Variants in FBXL17 observed in about 807,000 individuals in gnomAD.
FBXL17 encodes F-box/LRR-repeat protein 17.
Under a neutral mutation model 66.2 loss-of-function variants are expected in FBXL17, and 22 were observed. That is an observed-to-expected ratio of 0.33 (90% confidence interval 0.24 to 0.47). The LOEUF is 0.47. FBXL17 is among the 20% of genes least tolerant of loss of function. The probability of loss-of-function intolerance (pLI) is 1.00; values close to 1 mark genes in which losing one functional copy is unlikely to be tolerated. For missense variants in FBXL17, 878 were observed against 948.2 expected, an observed-to-expected ratio of 0.93 and a Z score of 0.97; for synonymous variants, 474 against 400.5, an observed-to-expected ratio of 1.18 and a Z score of -2.19.
At chr5:108,332,351 G>T (rs1036411200) in intron 4 of FBXL17, among the ~76,000 whole-genome samples, 1 of 151,932 alleles carries the variant, frequency 6.6e-6, no homozygotes, top group Non-Finnish European at 1.5e-5. Context: ...TGTTGCCAAG[G>T]TCCGTTTTGA....
intron 4 of FBXL17, among the ~76,000 whole-genome samples, chr5:108,249,868 A>G (rs1317687839): frequency 2.0e-5 from 3 of 152,192 alleles, no homozygotes; most frequent in Non-Finnish European, 2.9e-5. Context: ...ACATTAGGAC[A>G]GAGAAAGAAC....
intron 4 of FBXL17, among the ~76,000 whole-genome samples, chr5:108,335,093 T>C (rs1424893057): frequency 1.3e-5 from 2 of 152,196 alleles, no homozygotes; most frequent in Non-Finnish European, 2.9e-5. Context: ...AAGGCATTGA[T>C]AGTACTAGTT....
At chr5:108,205,856 C>A (rs1754093953) in intron 5 of FBXL17, among the ~76,000 whole-genome samples, 1 of 152,058 alleles carries the variant, frequency 6.6e-6, no homozygotes, top group South Asian at 2.1e-4. Flanking sequence ...TGTGCCTCAG[C>A]CTTCCGAGTA....
In FBXL17 at chr5:107,885,458, A is replaced by G. The variant is rs1253493704; in HGVS notation, c.1823-4279T>C. Among the ~76,000 whole-genome samples the G allele has an allele frequency of 2.0e-5, 3 of 152,216 alleles. No homozygotes were observed. The South Asian group carries it at 6.2e-4, about 32-fold the overall frequency. ...GTACAAAATTACTTCCGTATATACA[A>G]GTTTATTTATTGGAGCACTGATTGT... is the stretch of plus-strand genomic sequence containing the variant. On this transcript the variant is annotated intron_variant, in intron 7 of 8. Transcript: ENST00000542267.
At chr5:108,321,130 C>T (rs1476938866) in intron 4 of FBXL17, among the ~76,000 whole-genome samples, 2 of 149,742 alleles carry the variant, frequency 1.3e-5, no homozygotes, top group African/African-American at 5.1e-5. Context: ...TGCTGATGCT[C>T]GTAAGAAATT....
chr5:108,036,274 A>G (rs1465667662), intron 6 of FBXL17, among the ~76,000 whole-genome samples: 1 of 152,194 alleles, frequency 6.6e-6, no homozygotes, highest in Non-Finnish European at 1.5e-5. Flanking sequence ...TTTATTACAA[A>G]GATGGTTTCT....
At chr5:108,032,027 G>A (rs1425130841) in intron 6 of FBXL17, among the ~76,000 whole-genome samples, 1 of 152,114 alleles carries the variant, frequency 6.6e-6, no homozygotes, top group Non-Finnish European at 1.5e-5. Flanking sequence ...CATCTACTTT[G>A]TCATTAATTA....
intron 6 of FBXL17, among the ~76,000 whole-genome samples, chr5:108,175,583 C>T (rs1288292782): frequency 6.6e-6 from 1 of 152,132 alleles, no homozygotes; most frequent in African/African-American, 2.4e-5. Context: ...GAATGATATA[C>T]ATAAAACCTT....
Position 107,884,535 on chromosome 5 carries a change from T to G in FBXL17, c.1823-3356A>C, listed in dbSNP as rs142789084. ...CAGGTAGCCAAGTATGTACCCTATG[T>G]CCAAGAGGCCTGAGGGAACCTTTTG... On this transcript the variant is annotated intron_variant, in intron 7 of 8. Coordinates refer to ENST00000542267, the MANE Select transcript of FBXL17 (RefSeq NM_001163315.3). 1.7e-3 allele frequency among the ~76,000 whole-genome samples: 259 copies of G among 152,322 alleles called. 3 individuals are homozygous for G. Among genetic ancestry groups the G allele is most frequent in the African/African-American group, 5.8e-3 (241 of 41,584 alleles).
intron 7 of FBXL17, among the ~76,000 whole-genome samples, chr5:108,004,850 A>T (rs552260471): frequency 4.0e-4 from 61 of 152,354 alleles, no homozygotes; most frequent in African/African-American, 1.4e-3. Context: ...AGCGTATTAT[A>T]TAATACATTC....
In FBXL17 at chr5:108,381,988, C is replaced by T; in HGVS notation, c.-297G>A. ...GAGCCTGCCGGCTAGGCGACCAGTCCGGGCCCGGCCAGCCGGCTCAGTCAG... is the reference window on the plus strand; with the variant it reads ...GAGCCTGCCGGCTAGGCGACCAGTCTGGGCCCGGCCAGCCGGCTCAGTCAG... On this transcript the variant is annotated 5_prime_UTR_variant, in exon 1 of 9. Coordinates refer to ENST00000542267, the MANE Select transcript of FBXL17 (RefSeq NM_001163315.3). 2 of 1,180,144 alleles carry T rather than the reference C, an allele frequency of 1.7e-6. No individual in the cohort carries two copies. The highest frequency in any genetic ancestry group is 2.1e-6 in the Non-Finnish European group (2 of 952,864). 73.1% of individuals were successfully genotyped at this position (1,180,144 alleles called of 1,614,324 possible).
chr5:108,217,906 T>C (rs1185145934), intron 5 of FBXL17, among the ~76,000 whole-genome samples: 1 of 152,180 alleles, frequency 6.6e-6, no homozygotes, highest in East Asian at 1.9e-4. Flanking sequence ...TTACTTAACA[T>C]AATCTCCCTC....
intron 7 of FBXL17, among the ~76,000 whole-genome samples, chr5:107,972,555 T>C: frequency 6.6e-6 from 1 of 152,210 alleles, no homozygotes. Context: ...AGCTTCCCCT[T>C]ACTACTTTAA....
intron 6 of FBXL17, among the ~76,000 whole-genome samples, chr5:108,047,044 G>T (rs1747277977): frequency 6.6e-6 from 1 of 152,168 alleles, no homozygotes; most frequent in Non-Finnish European, 1.5e-5. Flanking sequence ...CCAACTACAA[G>T]CAGGGGCAAT....
intron 6 of FBXL17, among the ~76,000 whole-genome samples, chr5:108,178,213 T>G (rs1752869449): frequency 6.6e-6 from 1 of 151,906 alleles, no homozygotes; most frequent in South Asian, 2.1e-4. Context: ...CCCGGCTATT[T>G]TTTAAAAATT....
intron 6 of FBXL17, among the ~76,000 whole-genome samples, chr5:108,075,848 C>A (rs1293801679): frequency 1.3e-5 from 2 of 152,118 alleles, no homozygotes. Context: ...GTTATCATGT[C>A]ATTATTTGTG....
intron 7 of FBXL17, among the ~76,000 whole-genome samples, chr5:108,007,360 C>T (rs781302992): frequency 9.9e-5 from 15 of 152,120 alleles, no homozygotes; most frequent in Non-Finnish European, 1.8e-4. Flanking sequence ...AAATACTAAA[C>T]GCATTTGTGA....
At chr5:108,271,494 G>A (rs1331068542) in intron 4 of FBXL17, among the ~76,000 whole-genome samples, 1 of 152,144 alleles carries the variant, frequency 6.6e-6, no homozygotes, top group African/African-American at 2.4e-5. Flanking sequence ...TCAAACTCTG[G>A]AGAAAACAGT....
At chr5:108,214,301 T>C (rs975396273) in intron 5 of FBXL17, among the ~76,000 whole-genome samples, 4 of 152,090 alleles carry the variant, frequency 2.6e-5, no homozygotes, top group South Asian at 2.1e-4. Context: ...TTACTGTATA[T>C]GTCAAAGAGT....
Sources: gnomAD v4.1 joint callset for allele counts (sites outside exome capture counted in the v4.1 genomes callset) on GRCh38, gnomAD v4.1.1 for gene constraint, MANE v1.5 for transcripts, NCBI Gene and HGNC (gene_info 2026-07-23, HGNC 2026-07-21) for gene names.